CCR9: variants seen among roughly 807,000 people sequenced by gnomAD.
CCR9 encodes C-C motif chemokine receptor 9, also known as C-C chemokine receptor type 9.
A neutral mutation model predicts 8.7 loss-of-function variants in CCR9; 4 were observed. The observed-to-expected ratio is 0.46, with a 90% CI of 0.23 to 1.06. The LOEUF is 1.06. Among genes scored for constraint, CCR9 ranks in the 50% least tolerant of loss-of-function variants. The pLI is 0.21. For synonymous variants in CCR9, 159 were observed against 168.8 expected (o/e 0.94, Z 0.45); for missense variants, 394 against 453.6 (o/e 0.87, Z 1.19).
rs755014493 is a variant in CCR9 at position 45,901,634 on chromosome 3, T to C, written c.846T>C (p.Tyr282=). ...TGTTGGTGCAGACCATTGACGCCTA[T>C]GCCATGTTCATCTCCAACTGTGCCG... ...CILLVQTIDA[Y]AMFISNCAVS... is the part of the protein sequence containing the mutation. Residue 282 remains tyrosine (Y), a synonymous_variant, in exon 3 of 3, where the codon TAT becomes TAC. Transcript: ENST00000357632. The surrounding 1 kb of genome is among the most constrained non-coding windows in gnomAD (Gnocchi z 4.3). 33 of 1,614,232 alleles carry C rather than the reference T, an allele frequency of 2.0e-5. No homozygotes were observed. Among genetic ancestry groups the C allele is most frequent in the Non-Finnish European group, 2.7e-5 (32 of 1,180,014 alleles).
chr3:45,897,975 C>CAAAAA (rs72284250), intron 2 of CCR9, among the ~76,000 whole-genome samples: 18 of 105,966 alleles, frequency 1.7e-4, no homozygotes, highest in Non-Finnish European at 2.6e-4. Context: ...GCTATTTGAC[C>CAAAAA]AAAAAAAAAA....
At chr3:45,895,215 C>G in intron 2 of CCR9, 1 of 530,936 alleles carries the variant, frequency 1.9e-6, no homozygotes. Context: ...GGATTTTTAA[C>G]CATCTTTAAC....
intron 2 of CCR9, 132 bp downstream of exon 2, chr3:45,895,086 A>C: frequency 1.0e-6 from 1 of 956,498 alleles, no homozygotes; most frequent in Non-Finnish European, 1.7e-6. Flanking sequence ...TCTGCCTGGC[A>C]ATGCGCATTG....
chr3:45,893,038 C>A (rs1477729626), intron 1 of CCR9, among the ~76,000 whole-genome samples: 1 of 152,204 alleles, frequency 6.6e-6, no homozygotes, highest in African/African-American at 2.4e-5. Context: ...GACGTACATA[C>A]ACCCTTGCGA....
chr3:45,891,416 T>C (rs1161056081), intron 1 of CCR9, among the ~76,000 whole-genome samples: 6 of 152,240 alleles, frequency 3.9e-5, no homozygotes, highest in African/African-American at 1.4e-4. Context: ...TTTGTCCTAC[T>C]GGCTTTATTA....
At chr3:45,895,077 CTG>C in intron 2 of CCR9, 123 bp downstream of exon 2, 1 of 1,074,580 alleles carries the variant, frequency 9.3e-7, no homozygotes, top group Non-Finnish European at 1.4e-6. Flanking sequence ...GGTAAGATCT[CTG>C]CCTGGCAATG....
intron 1 of CCR9, among the ~76,000 whole-genome samples, chr3:45,887,817 G>T (rs1384809518): frequency 6.6e-6 from 1 of 152,240 alleles, no homozygotes; most frequent in Non-Finnish European, 1.5e-5. Flanking sequence ...TCCAGGCATG[G>T]TGAGTGGATG....
intron 2 of CCR9, chr3:45,897,512 A>C (rs905510989): frequency 3.2e-6 from 4 of 1,258,262 alleles, no homozygotes; most frequent in Admixed American, 2.0e-5. Context: ...AAGCTGGGTC[A>C]CCCAGGTCCT....
chr3:45,890,667 G>A (rs1423914969), intron 1 of CCR9, among the ~76,000 whole-genome samples: 1 of 151,902 alleles, frequency 6.6e-6, no homozygotes, highest in African/African-American at 2.4e-5. Context: ...AATACTGCCT[G>A]GGGAAAGTTC....
At chr3:45,892,011 A>G (rs1702193577) in intron 1 of CCR9, among the ~76,000 whole-genome samples, 1 of 152,128 alleles carries the variant, frequency 6.6e-6, no homozygotes, top group Non-Finnish European at 1.5e-5. Context: ...CTGGTCTTCA[A>G]ATCCAACACC....
At chr3:45,898,112 G>C (rs958472879) in intron 2 of CCR9, among the ~76,000 whole-genome samples, 1 of 151,558 alleles carries the variant, frequency 6.6e-6, no homozygotes, top group Non-Finnish European at 1.5e-5. Context: ...TTGTTTTACT[G>C]AGATTCCTCC....
Position 45,901,602 on chromosome 3 carries a change from T to C in CCR9, c.814T>C (p.Cys272Arg). 2 of 1,614,214 alleles carry C rather than the reference T, an allele frequency of 1.2e-6. No homozygotes were observed. The highest frequency in any genetic ancestry group is 2.2e-5 in the South Asian group (2 of 91,086). Residue 272 changes from cysteine (C) to arginine (R), a missense_variant, in exon 3 of 3, where the codon TGC becomes CGC. Physicochemically the swap from Cys to Arg is radical, Grantham distance 180. Transcript: ENST00000357632. This position sits in a 1 kb window ranked among gnomAD's most constrained non-coding sequence, Gnocchi z 4.3. ...VFVLSQFPYN[C>R]ILLVQTIDAY... ...TGTCTTGTCTCAGTTTCCCTACAAC[T>C]GCATTTTGTTGGTGCAGACCATTGA...
At chr3:45,898,293 C>T (rs1702433686) in intron 2 of CCR9, among the ~76,000 whole-genome samples, 2 of 152,288 alleles carry the variant, frequency 1.3e-5, no homozygotes, top group South Asian at 2.1e-4. Flanking sequence ...AGCTGGTTCC[C>T]GTGTCCAGCG....
chr3:45,892,787 G>A (rs12638201), intron 1 of CCR9, among the ~76,000 whole-genome samples: 9,405 of 152,148 alleles, frequency 0.062, 336 homozygotes, highest in Middle Eastern at 0.092. Context: ...GATCTCTCAA[G>A]TTGGCTACAA....
At chr3:45,887,036 A>G (rs1461406114) in intron 1 of CCR9, among the ~76,000 whole-genome samples, 1 of 152,172 alleles carries the variant, frequency 6.6e-6, no homozygotes, top group Non-Finnish European at 1.5e-5. Flanking sequence ...GTAGCAGTGA[A>G]AAACTGGAAA....
At position 45,899,754 on chromosome 3, in the gene CCR9, C is replaced by T. The variant is rs994482351; in HGVS notation, c.22-1056C>T. Among the ~76,000 whole-genome samples, 18 of 152,256 alleles carry T rather than the reference C, an allele frequency of 1.2e-4. No homozygotes were observed. The East Asian group carries it at 2.7e-3, about 23-fold the overall frequency. Reference sequence around the variant, plus strand: ...ATGTAGCAGGCATGGCACGGACTCTCCCCTCCTCCTCCATCAGCAGTCCAC... The same window carrying T: ...ATGTAGCAGGCATGGCACGGACTCTTCCCTCCTCCTCCATCAGCAGTCCAC... On this transcript the variant is annotated intron_variant, in intron 2 of 2. Transcript: ENST00000357632.
intron 2 of CCR9, among the ~76,000 whole-genome samples, chr3:45,898,134 C>T (rs1231458446): frequency 1.3e-5 from 2 of 152,158 alleles, no homozygotes; most frequent in African/African-American, 4.8e-5. Context: ...AAAGGTCATC[C>T]TCCCAACCTC....
intron 2 of CCR9, chr3:45,895,178 G>A (rs1449552234): frequency 1.8e-6 from 1 of 567,752 alleles, no homozygotes; most frequent in Non-Finnish European, 3.1e-6. Flanking sequence ...TGGAGACAGA[G>A]GAAAATGTGG....
intron 2 of CCR9, among the ~76,000 whole-genome samples, chr3:45,898,168 G>T (rs996252438): frequency 2.0e-5 from 3 of 152,166 alleles, no homozygotes; most frequent in Non-Finnish European, 4.4e-5. Context: ...GATGTCCACT[G>T]TGGGGTCTCC....
Sources: allele counts gnomAD v4.1 joint callset (sites outside exome capture counted in the v4.1 genomes callset), GRCh38; gene constraint gnomAD v4.1.1; non-coding constraint Gnocchi (gnomAD v3.1); transcripts MANE v1.5; gene names NCBI Gene and HGNC (gene_info 2026-07-23, HGNC 2026-07-21).